The following PABIR2 variants were observed in gnomAD, a reference collection of about 807,000 sequenced individuals.
The protein encoded by PABIR2 is family with sequence similarity 122B.
PABIR2 carries 7 observed loss-of-function variants against 22.8 expected under a neutral mutation model. The ratio of observed to expected loss-of-function variants is 0.31; its 90% confidence interval spans 0.17 to 0.58. The LOEUF is 0.58. Ranked by LOEUF, PABIR2 falls within the 20% of genes least tolerant of loss-of-function variation. The pLI, the probability that PABIR2 is intolerant of heterozygous loss-of-function variation, is 0.89. For synonymous variants in PABIR2, 67 were observed against 73.8 expected (o/e 0.91, Z 0.47); for missense variants, 155 against 205.1 (o/e 0.76, Z 1.49).
chrX:134,778,100 C>G (rs1483039510), intron 9 of PABIR2, among the ~76,000 whole-genome samples: 1 of 103,466 alleles, frequency 9.7e-6, no homozygotes, highest in African/African-American at 3.5e-5. Context: ...ACCATGTTGT[C>G]CAGGCTGGTC....
At chrX:134,778,288 T>A (rs1286459685) in intron 9 of PABIR2, among the ~76,000 whole-genome samples, 5 of 103,982 alleles carry the variant, frequency 4.8e-5, no homozygotes. Flanking sequence ...GCGGATCACC[T>A]GAGGTCAGGA....
chrX:134,771,911 T>C lies in PABIR2; in HGVS notation c.*228A>G, dbSNP rs180857859. On this transcript the variant is annotated 3_prime_UTR_variant, in exon 10 of 10. Transcript: ENST00000343004. ...GCAATCAAAAATCAGCATTTGAGAT[T>C]TAATCACTAAATCCAAAATGAGATC... 1.1e-6 allele frequency: 1 copy of C among 944,462 alleles called. No homozygotes were observed. Among genetic ancestry groups the C allele is most frequent in the East Asian group, 4.2e-5 (1 of 23,712 alleles). 77.8% of individuals were successfully genotyped at this position (944,462 alleles called of 1,213,427 possible).
At chrX:134,785,761 C>T in intron 8 of PABIR2, 125 bp downstream of exon 8, 1 of 670,559 alleles carries the variant, frequency 1.5e-6, no homozygotes, top group Non-Finnish European at 2.3e-6. Flanking sequence ...GTTTTTAACA[C>T]ATCTTTTGCT....
In PABIR2 at chrX:134,785,505, G is replaced by A. The variant is rs373238209; in HGVS notation, c.562+381C>T. ...TGCCCAGGCTGGAGTGCAGTGGTAC[G>A]ATCTCAGCTCACCACAACCTCCGCC... On this transcript the variant is annotated intron_variant, in intron 8 of 9. Transcript: ENST00000343004. Among the ~76,000 whole-genome samples, 3 of 108,754 alleles carry A rather than the reference G, an allele frequency of 2.8e-5. No individual in the cohort carries two copies. The East Asian group carries it at 8.6e-4, about 31-fold the overall frequency. 94.4% of individuals were successfully genotyped at this position (108,754 alleles called of 115,157 possible).
chrX:134,787,610 CTTTTTTTTTTTTTTTTT>C (rs1179720154), intron 6 of PABIR2, 77 bp from the exon 7 acceptor site: 1 of 193,737 alleles, frequency 5.2e-6, no homozygotes, highest in East Asian at 1.2e-4. Flanking sequence ...AGTTTTCTTT[CTTTTTTTTTTTTTTTTT>C]TTTTTTTAGA....
chrX:134,785,093 AAT>A (rs776245461), intron 8 of PABIR2, among the ~76,000 whole-genome samples: 1 of 112,146 alleles, frequency 8.9e-6, no homozygotes, highest in South Asian at 3.7e-4. Context: ...CAATTTTTTG[AAT>A]ATATAATGAT....
chrX:134,789,724 A>T, intron 2 of PABIR2, 88 bp from the exon 3 acceptor site: 1 of 794,833 alleles, frequency 1.3e-6, no homozygotes, highest in Non-Finnish European at 1.8e-6. Flanking sequence ...CTTCCTAGGT[A>T]AGTTTTCATA....
At chrX:134,780,261 A>G (rs1239160403) in intron 9 of PABIR2, among the ~76,000 whole-genome samples, 1 of 112,588 alleles carries the variant, frequency 8.9e-6, no homozygotes, top group Non-Finnish European at 1.9e-5. Flanking sequence ...TTTTAAAGTG[A>G]GTGCCCTCAT....
At position 134,785,314 on chromosome X, in the gene PABIR2, C is replaced by T. The variant is rs188523410; in HGVS notation, c.562+572G>A. On this transcript the variant is annotated intron_variant, in intron 8 of 9. Transcript: ENST00000343004. ...GCTTGGCTAGGTATAAGACCAGAAG[C>T]GTGATGCTTATCTTTTTCTTTTTCC... 1.4e-3 allele frequency among the ~76,000 whole-genome samples: 161 copies of T among 111,410 alleles called. 1 individual carries two copies. Among genetic ancestry groups the T allele is most frequent in the African/African-American group, 5.0e-3 (154 of 30,680 alleles).
Position 134,771,094 on chromosome X carries a change from T to C in PABIR2, c.*1045A>G, listed in dbSNP as rs971865038. The C allele has an allele frequency of 2.2e-5, 7 of 320,777 alleles. No individual in the cohort carries two copies. Among genetic ancestry groups the C allele is most frequent in the Non-Finnish European group, 3.7e-5 (7 of 188,300 alleles). 26.4% of individuals were successfully genotyped at this position (320,777 alleles called of 1,213,427 possible). A position where few individuals can be genotyped will look rare whatever the true frequency, so the allele number is the denominator to read the frequency against. The stretch of plus-strand genomic sequence containing the variant: ...AAACAAATCCAATGACAAAAAGGAA[T>C]CGGAAAAAAAGCAGCAACAGAAACA... On this transcript the variant is annotated 3_prime_UTR_variant, in exon 10 of 10. Coordinates refer to ENST00000343004, the MANE Select transcript of PABIR2 (RefSeq NM_001387468.1).
chrX:134,795,677 T>C (rs1256915188), intron 1 of PABIR2, among the ~76,000 whole-genome samples: 1 of 112,500 alleles, frequency 8.9e-6, no homozygotes, highest in African/African-American at 3.2e-5. Context: ...AGTTATTAGA[T>C]AAATTGTGAT....
chrX:134,782,493 C>T (rs1335172706), intron 8 of PABIR2, among the ~76,000 whole-genome samples: 2 of 112,018 alleles, frequency 1.8e-5, no homozygotes, highest in Non-Finnish European at 3.8e-5. Flanking sequence ...GTACTGACCA[C>T]CTCAATCATA....
intron 1 of PABIR2, among the ~76,000 whole-genome samples, 180 bp downstream of exon 1, chrX:134,795,928 T>C (rs1369323231): frequency 1.8e-5 from 2 of 111,426 alleles, no homozygotes; most frequent in African/African-American, 6.5e-5. Flanking sequence ...CTGCCCAAAG[T>C]TGGAGATTAA....
intron 2 of PABIR2, chrX:134,791,579 T>G (rs2079549799): frequency 9.3e-6 from 3 of 323,720 alleles, no homozygotes; most frequent in Non-Finnish European, 1.8e-5. Context: ...AGATACAAGA[T>G]AGAGAGGAGA....
chrX:134,771,878 T>A lies in PABIR2; in HGVS notation c.*261A>T, dbSNP rs1248452806. 1 of 908,241 alleles carries A rather than the reference T, an allele frequency of 1.1e-6. No homozygotes were observed. The highest frequency in any genetic ancestry group is 2.1e-5 in the African/African-American group (1 of 48,002). 74.8% of individuals were successfully genotyped at this position (908,241 alleles called of 1,213,427 possible). On this transcript the variant is annotated 3_prime_UTR_variant, in exon 10 of 10. Transcript: ENST00000343004. ...TTTTTGAGGCACTAAGAAAAAAGAT[T>A]CCTCTAAGCAATCAAAAATCAGCAT...
At chrX:134,784,192 G>C (rs1328985986) in intron 8 of PABIR2, among the ~76,000 whole-genome samples, 6 of 110,600 alleles carry the variant, frequency 5.4e-5, no homozygotes, top group Non-Finnish European at 1.1e-4. Context: ...GTTGCCGGCT[G>C]GGCGTGGTGG....
intron 9 of PABIR2, among the ~76,000 whole-genome samples, chrX:134,773,808 T>C (rs940959630): frequency 1.2e-4 from 13 of 111,858 alleles, no homozygotes; most frequent in Non-Finnish European, 2.4e-4. Context: ...GTCGAAATGT[T>C]AGGAGTCTTT....
At chrX:134,782,001 C>T (rs1467459182) in intron 8 of PABIR2, 84 bp from the exon 9 acceptor site, 1 of 627,932 alleles carries the variant, frequency 1.6e-6, no homozygotes, top group Admixed American at 3.1e-5. Flanking sequence ...TTTGTTTAAC[C>T]AAAGCTCAGA....
intron 7 of PABIR2, among the ~76,000 whole-genome samples, chrX:134,786,380 T>C (rs903445206): frequency 1.5e-4 from 16 of 109,726 alleles, no homozygotes; most frequent in African/African-American, 5.0e-4. Flanking sequence ...TAGCCAGGCG[T>C]GGTGGTGCAT....
Sources: allele counts gnomAD v4.1 joint callset (sites outside exome capture counted in the v4.1 genomes callset), GRCh38; gene constraint gnomAD v4.1.1; transcripts MANE v1.5; gene names NCBI Gene and HGNC (gene_info 2026-07-23, HGNC 2026-07-21).